The following RIMBP2 variants were observed in gnomAD, a reference collection of about 807,000 sequenced individuals.
RIMBP2 encodes RIMS binding protein 2.
Under a neutral mutation model 118.6 loss-of-function variants are expected in RIMBP2, and 48 were observed. The ratio of observed to expected loss-of-function variants is 0.40; its 90% CI spans 0.32 to 0.51. The LOEUF is 0.51. RIMBP2 is among the 20% of genes least tolerant of loss of function. The pLI is 0.41. For missense variants in RIMBP2, 1,551 were observed against 1,768.3 expected (o/e 0.88, Z 2.20); for synonymous variants, 762 against 742.9 (o/e 1.03, Z -0.42).
intron 1 of RIMBP2, among the ~76,000 whole-genome samples, chr12:130,682,062 C>T (rs2136560227): frequency 6.6e-6 from 1 of 152,366 alleles, no homozygotes; most frequent in East Asian, 1.9e-4. Flanking sequence ...AAATGTGGGG[C>T]CCAACTTCCA....
At chr12:130,454,778 T>C (rs556827147) in intron 7 of RIMBP2, among the ~76,000 whole-genome samples, 106 of 152,244 alleles carry the variant, frequency 7.0e-4, no homozygotes, top group Non-Finnish European at 1.4e-3. Flanking sequence ...CCCGCCTCCC[T>C]GTCCCGGGAG....
intron 1 of RIMBP2, among the ~76,000 whole-genome samples, chr12:130,638,762 G>T (rs540145657): frequency 6.6e-6 from 1 of 151,270 alleles, no homozygotes; most frequent in African/African-American, 2.4e-5. Flanking sequence ...TATGGAGATC[G>T]TTAAAAAAAA....
intron 4 of RIMBP2, among the ~76,000 whole-genome samples, chr12:130,487,832 C>T (rs2082613575): frequency 6.6e-6 from 1 of 152,110 alleles, no homozygotes; most frequent in Non-Finnish European, 1.5e-5. Context: ...GAATCAATGA[C>T]AGCAAAGGTG....
At chr12:130,674,440 G>A (rs780554668) in intron 1 of RIMBP2, among the ~76,000 whole-genome samples, 4 of 152,082 alleles carry the variant, frequency 2.6e-5, no homozygotes, top group Non-Finnish European at 5.9e-5. Context: ...TGCAGAGCAG[G>A]GCTGCTTCCT....
chr12:130,592,741 G>A (rs756580922), intron 2 of RIMBP2, among the ~76,000 whole-genome samples: 1 of 151,660 alleles, frequency 6.6e-6, no homozygotes, highest in Admixed American at 6.6e-5. Context: ...AGAGAACCCG[G>A]GGGACCTTGG....
At chr12:130,701,258 C>T (rs2065840408) in intron 1 of RIMBP2, among the ~76,000 whole-genome samples, 1 of 152,170 alleles carries the variant, frequency 6.6e-6, no homozygotes, top group African/African-American at 2.4e-5. Flanking sequence ...GCTGTAAGCC[C>T]CCCTAACACA....
In RIMBP2 at chr12:130,420,669, G is replaced by A. The variant is rs574528056; in HGVS notation, c.3238+1784C>T. 8.5e-5 allele frequency among the ~76,000 whole-genome samples: 13 copies of A among 152,124 alleles called. No homozygotes were observed. In the South Asian group the frequency reaches 1.5e-3, roughly 17 times the overall value. ...ATCTAGGAAAATAGCAAACCAAAGCGGAGACAAAAAATAATTATTTAAGCC... is the reference window on the plus strand; with the variant it reads ...ATCTAGGAAAATAGCAAACCAAAGCAGAGACAAAAAATAATTATTTAAGCC... On this transcript the variant is annotated intron_variant, in intron 17 of 22. Transcript: ENST00000690449. This position sits in a 1 kb window ranked among gnomAD's most constrained non-coding sequence, Gnocchi z 4.3.
At position 130,479,010 on chromosome 12, in the gene RIMBP2, G is replaced by C. The variant is rs138967663; in HGVS notation, c.4C>G (p.Arg2Gly). 6.2e-7 allele frequency: 1 copy of C among 1,613,152 alleles called. No homozygotes were observed. The highest frequency in any genetic ancestry group is 1.1e-5 in the South Asian group (1 of 90,962). The change falls in exon 5 of 23, where the codon CGA (arginine) becomes GGA (glycine). Residue 2 changes from arginine to glycine, a missense_variant. Around this residue, in one of 5 missense-constraint regions of RIMBP2, gnomAD observed 239 missense variants for 256.8 expected, o/e 0.93. Coordinates refer to ENST00000690449, the MANE Select transcript of RIMBP2 (RefSeq NM_001393629.1). ...TGCTGCCGCCGTTCAGCCGCCTCTC[G>C]CATATGCTGTGGGGACAGAGAGAGG... M[R>G]EAAERRQQLQ...
chr12:130,413,077 C>T (rs748466014), intron 18 of RIMBP2, among the ~76,000 whole-genome samples: 4 of 151,972 alleles, frequency 2.6e-5, no homozygotes, highest in Non-Finnish European at 4.4e-5. Context: ...TTTAAATTCA[C>T]GCACATTAAA....
chr12:130,659,443 G>A (rs887078193), intron 1 of RIMBP2, among the ~76,000 whole-genome samples: 2 of 128,686 alleles, frequency 1.6e-5, no homozygotes, highest in Admixed American at 8.0e-5. Context: ...TGGTGGTGGC[G>A]CCTGTAGTCC....
intron 1 of RIMBP2, among the ~76,000 whole-genome samples, chr12:130,704,207 C>G (rs1276403883): frequency 1.3e-5 from 2 of 152,032 alleles, no homozygotes; most frequent in Admixed American, 6.5e-5. Flanking sequence ...GGAGGGTGCT[C>G]TGTGGGCCCT....
At chr12:130,457,905 A>G (rs1377646196) in intron 6 of RIMBP2, among the ~76,000 whole-genome samples, 3 of 150,906 alleles carry the variant, frequency 2.0e-5, no homozygotes, top group African/African-American at 7.2e-5. Flanking sequence ...TTACTTTAGG[A>G]TGGCCGGGAA....
chr12:130,586,115 G>C (rs1212356255), intron 2 of RIMBP2, among the ~76,000 whole-genome samples: 17 of 152,220 alleles, frequency 1.1e-4, no homozygotes, highest in Admixed American at 1.1e-3. Flanking sequence ...TCTCTGATGA[G>C]ATAAATGTAT....
chr12:130,574,609 T>G (rs1454228528), intron 2 of RIMBP2, among the ~76,000 whole-genome samples: 1 of 152,144 alleles, frequency 6.6e-6, no homozygotes, highest in African/African-American at 2.4e-5. Context: ...GTCTGAGGTC[T>G]CACAAGCTCC....
intron 2 of RIMBP2, among the ~76,000 whole-genome samples, chr12:130,575,856 T>C (rs1333356217): frequency 6.6e-6 from 1 of 152,170 alleles, no homozygotes; most frequent in African/African-American, 2.4e-5. Context: ...AAAATAATCG[T>C]GGTGGAAATA....
At chr12:130,611,649 C>A (rs1253554512) in intron 2 of RIMBP2, among the ~76,000 whole-genome samples, 1 of 152,202 alleles carries the variant, frequency 6.6e-6, no homozygotes, top group Non-Finnish European at 1.5e-5. Context: ...CCCTTTGCCT[C>A]TAAATACACT....
At chr12:130,423,077 A>C (rs896556662) in intron 16 of RIMBP2, among the ~76,000 whole-genome samples, 2 of 152,204 alleles carry the variant, frequency 1.3e-5, no homozygotes, top group Admixed American at 6.5e-5. Flanking sequence ...TCTACTCCTA[A>C]TCTGAAAATG....
intron 4 of RIMBP2, among the ~76,000 whole-genome samples, chr12:130,498,633 C>CAAAAA (rs35549770): frequency 3.5e-5 from 4 of 115,684 alleles, no homozygotes; most frequent in South Asian, 3.1e-4. Flanking sequence ...AAACAGCATT[C>CAAAAA]AAAAAAAAAA....
chr12:130,616,680 A>G (rs1225620451), intron 2 of RIMBP2, among the ~76,000 whole-genome samples: 1 of 152,224 alleles, frequency 6.6e-6, no homozygotes, highest in Non-Finnish European at 1.5e-5. Flanking sequence ...TTCCCAGCTC[A>G]TCAAGGCAGA....
Sources: allele counts gnomAD v4.1 joint callset (sites outside exome capture counted in the v4.1 genomes callset), GRCh38; gene constraint gnomAD v4.1.1; regional missense constraint gnomAD v4.1.1; non-coding constraint Gnocchi (gnomAD v3.1); transcripts MANE v1.5; gene names NCBI Gene and HGNC (gene_info 2026-07-23, HGNC 2026-07-21).